PPM1H: variants seen among roughly 807,000 people sequenced by gnomAD.
The protein encoded by PPM1H is protein phosphatase 1H.
PPM1H carries 27 observed loss-of-function variants against 54.9 expected under a neutral mutation model. The ratio of observed to expected loss-of-function variants is 0.49; its 90% CI spans 0.36 to 0.68. The LOEUF (loss-of-function observed/expected upper bound fraction) is 0.68. PPM1H is among the 30% of genes least tolerant of loss of function. PPM1H has a pLI of 0.00. For synonymous variants in PPM1H, 305 were observed against 270.8 expected, an observed-to-expected ratio of 1.13 and a Z score of -1.24; for missense variants, 596 against 667.8, an observed-to-expected ratio of 0.89 and a Z score of 1.19.
chr12:62,846,274 G>A lies in PPM1H; in HGVS notation c.246-13995C>T, dbSNP rs538570308. Among the ~76,000 whole-genome samples, 551 of 152,204 alleles carry A rather than the reference G, an allele frequency of 3.6e-3. 3 individuals carry two copies. Among genetic ancestry groups the A allele is most frequent in the Non-Finnish European group, 6.4e-3 (435 of 68,000 alleles). On this transcript the variant is annotated intron_variant, in intron 1 of 9. Coordinates refer to ENST00000228705, the MANE Select transcript of PPM1H (RefSeq NM_020700.2). The stretch of plus-strand genomic sequence containing the variant: ...AGCACTTTGGGAGGCCAAGGCAGGC[G>A]GATCATCTGAGGTAAGGAGTTCGAG...
intron 5 of PPM1H, among the ~76,000 whole-genome samples, chr12:62,727,072 GC>G (rs2076293713): frequency 6.6e-6 from 1 of 152,008 alleles, no homozygotes; most frequent in Admixed American, 6.6e-5. Context: ...CCGCTACCAT[GC>G]CCAGCAAATT....
intron 1 of PPM1H, among the ~76,000 whole-genome samples, chr12:62,900,598 TA>T (rs111525770): frequency 5.6e-3 from 767 of 136,620 alleles, no homozygotes; most frequent in African/African-American, 8.2e-3. Context: ...TACCAGTAGT[TA>T]AAAAAAAAAA....
intron 3 of PPM1H, among the ~76,000 whole-genome samples, chr12:62,793,083 AT>A: frequency 6.6e-6 from 1 of 152,182 alleles, no homozygotes; most frequent in Non-Finnish European, 1.5e-5. Context: ...GCAAGGACTG[AT>A]TTAGAATATC....
At chr12:62,716,142 A>G (rs1487179686) in intron 6 of PPM1H, among the ~76,000 whole-genome samples, 1 of 151,844 alleles carries the variant, frequency 6.6e-6, no homozygotes. Context: ...ACCACCTAAT[A>G]CCTCTAGGCC....
intron 1 of PPM1H, among the ~76,000 whole-genome samples, chr12:62,859,664 T>A (rs1232385097): frequency 6.6e-6 from 1 of 152,170 alleles, no homozygotes; most frequent in Non-Finnish European, 1.5e-5. Flanking sequence ...AGGCTTTGCA[T>A]TCAAAAATGT....
intron 6 of PPM1H, among the ~76,000 whole-genome samples, chr12:62,694,850 A>C (rs1231875391): frequency 6.6e-6 from 1 of 152,232 alleles, no homozygotes; most frequent in African/African-American, 2.4e-5. Flanking sequence ...GAGCCCACTT[A>C]GTGGCAGTTA....
intron 2 of PPM1H, among the ~76,000 whole-genome samples, chr12:62,829,310 C>T (rs116384929): frequency 0.011 from 1,667 of 152,172 alleles, 31 homozygotes; most frequent in African/African-American, 0.039. Flanking sequence ...CTGCAGTGGT[C>T]AACTCAGAGA....
intron 1 of PPM1H, among the ~76,000 whole-genome samples, chr12:62,875,360 A>T (rs1870123142): frequency 6.6e-6 from 1 of 152,220 alleles, no homozygotes; most frequent in Non-Finnish European, 1.5e-5. Flanking sequence ...GCTTGCTCTG[A>T]TCTTAAAAGG....
At chr12:62,796,952 CA>C (rs1369495747) in intron 3 of PPM1H, among the ~76,000 whole-genome samples, 1 of 152,182 alleles carries the variant, frequency 6.6e-6, no homozygotes, top group African/African-American at 2.4e-5. Context: ...AGAAGCTACC[CA>C]GGGGCTGCCA....
At chr12:62,744,744 A>AC (rs1348683076) in intron 4 of PPM1H, among the ~76,000 whole-genome samples, 1 of 152,204 alleles carries the variant, frequency 6.6e-6, no homozygotes, top group African/African-American at 2.4e-5. Flanking sequence ...GATGTGGTGC[A>AC]CAGTCCCTGC....
At chr12:62,757,885 C>G (rs1394786355) in intron 4 of PPM1H, among the ~76,000 whole-genome samples, 1 of 152,208 alleles carries the variant, frequency 6.6e-6, no homozygotes, top group Non-Finnish European at 1.5e-5. Flanking sequence ...TCATTCACAA[C>G]CACCTCTCAA....
At chr12:62,785,281 A>T (rs1303335754) in intron 4 of PPM1H, among the ~76,000 whole-genome samples, 1 of 152,042 alleles carries the variant, frequency 6.6e-6, no homozygotes, top group Non-Finnish European at 1.5e-5. Context: ...TGTTCAAGTG[A>T]TTCTCCTGCC....
At chr12:62,759,583 T>C (rs1401936589) in intron 4 of PPM1H, among the ~76,000 whole-genome samples, 1 of 152,232 alleles carries the variant, frequency 6.6e-6, no homozygotes, top group African/African-American at 2.4e-5. Context: ...CGGGGACGCC[T>C]GCCTGATTAT....
chr12:62,686,618 AG>A (rs1346176459), intron 8 of PPM1H, among the ~76,000 whole-genome samples: 2 of 152,206 alleles, frequency 1.3e-5, no homozygotes, highest in African/African-American at 4.8e-5. Context: ...ACCAGCTTCT[AG>A]GGGGAACTTT....
At chr12:62,841,880 T>G (rs1868765105) in intron 1 of PPM1H, among the ~76,000 whole-genome samples, 1 of 152,242 alleles carries the variant, frequency 6.6e-6, no homozygotes, top group African/African-American at 2.4e-5. Context: ...CAGCGTTTTC[T>G]TCTTCATATT....
chr12:62,673,270 A>G (rs557103673), intron 8 of PPM1H, among the ~76,000 whole-genome samples: 2 of 152,270 alleles, frequency 1.3e-5, no homozygotes, highest in East Asian at 3.9e-4. Flanking sequence ...TTGGGCACTT[A>G]TTTTACACAG....
intron 9 of PPM1H, among the ~76,000 whole-genome samples, chr12:62,651,137 T>A (rs984402295): frequency 3.9e-5 from 6 of 152,230 alleles, no homozygotes; most frequent in South Asian, 4.1e-4. Context: ...AATTATGGTA[T>A]GCTATGAGAA....
At position 62,757,740 on chromosome 12, in the gene PPM1H, G is replaced by A. The variant is rs2076484654; in HGVS notation, c.870-20154C>T. Among the ~76,000 whole-genome samples the A allele has an allele frequency of 2.0e-5, 3 of 152,224 alleles. No individual in the cohort carries two copies. The South Asian group carries it at 6.2e-4, about 32-fold the overall frequency. On this transcript the variant is annotated intron_variant, in intron 4 of 9. Coordinates refer to ENST00000228705, the MANE Select transcript of PPM1H (RefSeq NM_020700.2). ...AGCAGCTCTATCATTTAAGACCCAT[G>A]TTTCTGTGTCCCAATTTCTATGGAC...
chr12:62,717,987 C>A lies in PPM1H; in HGVS notation c.1073+2184G>T, dbSNP rs151037446. On this transcript the variant is annotated intron_variant, in intron 6 of 9. Coordinates refer to ENST00000228705, the MANE Select transcript of PPM1H (RefSeq NM_020700.2). The stretch of plus-strand genomic sequence containing the variant: ...TTTTGACTACTTTAGATCTAATTTG[C>A]CTTTCTGGCATAGAAAGAACATAGG... 2.9e-3 allele frequency among the ~76,000 whole-genome samples: 449 copies of A among 152,316 alleles called. 2 individuals carry two copies. Among genetic ancestry groups the A allele is most frequent in the Admixed American group, 5.8e-3 (89 of 15,294 alleles).
Sources: allele counts gnomAD v4.1 joint callset (sites outside exome capture counted in the v4.1 genomes callset), GRCh38; gene constraint gnomAD v4.1.1; transcripts MANE v1.5; gene names NCBI Gene and HGNC (gene_info 2026-07-23, HGNC 2026-07-21).